Variants in HMCN1 observed in about 807,000 individuals in gnomAD.
The protein encoded by HMCN1 is hemicentin-1.
A neutral mutation model predicts 625.9 loss-of-function variants in HMCN1; 321 were observed. The ratio of observed to expected loss-of-function variants is 0.51; its 90% CI spans 0.47 to 0.56. HMCN1 has a LOEUF of 0.56. HMCN1 is among the 20% of genes least tolerant of loss of function. The probability of loss-of-function intolerance (pLI) is 0.00; values close to 1 mark genes in which losing one functional copy is unlikely to be tolerated. For synonymous variants in HMCN1, 2,425 were observed against 2,417.6 expected (o/e 1.00, Z -0.09); for missense variants, 6,588 against 6,887.3 (o/e 0.96, Z 1.54).
chr1:186,128,140 T>C lies in HMCN1; in HGVS notation c.12753T>C (p.Thr4251=). The C allele has an allele frequency of 6.2e-7, 1 of 1,613,656 alleles. No homozygotes were observed. Residue 4251 remains threonine, a synonymous_variant, in exon 83 of 107, where the codon ACT becomes ACC. Transcript: ENST00000271588. Reference sequence around the variant, plus strand: ...ATGCTGCAGGTGAAGATACACACACTGTCAGCCTGACTGTGCATGTTCTCC... The same window carrying C: ...ATGCTGCAGGTGAAGATACACACACCGTCAGCCTGACTGTGCATGTTCTCC... ...ANNAAGEDTH[T]VSLTVHVLPT...
At chr1:186,019,481 T>C in intron 34 of HMCN1, 60 bp from the exon 35 acceptor site, 1 of 1,285,224 alleles carries the variant, frequency 7.8e-7, no homozygotes, top group Non-Finnish European at 1.1e-6. Flanking sequence ...TGCATACATA[T>C]TTTTAAGTTC....
In HMCN1 at chr1:186,053,993, T is replaced by G; in HGVS notation, c.6862+7T>G. On this transcript the variant is annotated splice_region_variant and intron_variant, in intron 44 of 106. Coordinates refer to ENST00000271588, the MANE Select transcript of HMCN1 (RefSeq NM_031935.3). ...TACAATCTGCAAGTTTACAGTAAGT[T>G]GTTGATTAGCCAGGCTTTGGCAAAA... The G allele has an allele frequency of 6.2e-7, 1 of 1,611,832 alleles. No homozygotes were observed. The highest frequency in any genetic ancestry group is 8.5e-7 in the Non-Finnish European group (1 of 1,178,862).
intron 1 of HMCN1, among the ~76,000 whole-genome samples, chr1:185,771,097 G>A (rs1321670): frequency 0.37 from 56,802 of 152,048 alleles, 13,377 homozygotes; most frequent in African/African-American, 0.67. Context: ...AGGATTTAGC[G>A]ATGTGTTATC....
chr1:185,954,675 G>C (rs1386317651), intron 11 of HMCN1, among the ~76,000 whole-genome samples: 1 of 152,122 alleles, frequency 6.6e-6, no homozygotes, highest in African/African-American at 2.4e-5. Context: ...AAATCCTTGG[G>C]TTGCTGATTT....
Position 186,125,676 on chromosome 1 carries a change from T to C in HMCN1, c.12572T>C (p.Val4191Ala). Reference sequence around the variant, plus strand: ...AATTCACAAGCCATTCTTCCATGCGTAGCTGATGGAATCCCCACACCAGCA... The same window carrying C: ...AATTCACAAGCCATTCTTCCATGCGCAGCTGATGGAATCCCCACACCAGCA... ...NENSQAILPC[V>A]ADGIPTPAIN... The change falls in exon 82 of 107, where the codon GTA becomes GCA. Residue 4191 changes from valine to alanine, a missense_variant. Coordinates refer to ENST00000271588, the MANE Select transcript of HMCN1 (RefSeq NM_031935.3). 6.2e-7 allele frequency: 1 copy of C among 1,612,954 alleles called. No homozygotes were observed. The highest frequency in any genetic ancestry group is 1.1e-5 in the South Asian group (1 of 91,064).
intron 40 of HMCN1, among the ~76,000 whole-genome samples, chr1:186,041,442 GAAGCAAGTATCTGTTC>G (rs1453308687): frequency 1.3e-5 from 2 of 152,212 alleles, no homozygotes; most frequent in East Asian, 3.9e-4. Flanking sequence ...TCTCATCACT[GAAGCAAGTATCTGTTC>G]AAGTAGCTCT....
intron 36 of HMCN1, among the ~76,000 whole-genome samples, chr1:186,028,428 A>T (rs1184858397): frequency 2.0e-5 from 3 of 152,178 alleles, no homozygotes; most frequent in Non-Finnish European, 2.9e-5. Context: ...TGGAATTTAT[A>T]TTTGTATTTA....
At chr1:186,015,656 T>C (rs1022000678) in intron 31 of HMCN1, among the ~76,000 whole-genome samples, 30 of 152,154 alleles carry the variant, frequency 2.0e-4, no homozygotes, top group African/African-American at 7.2e-4. Context: ...GTCATGGCAC[T>C]TGGAGCATCT....
At position 186,041,085 on chromosome 1, in the gene HMCN1, G is replaced by T; in HGVS notation, c.6253G>T (p.Ala2085Ser). The T allele has an allele frequency of 1.2e-6, 2 of 1,612,884 alleles. No individual in the cohort carries two copies. The highest frequency in any genetic ancestry group is 1.7e-6 in the Non-Finnish European group (2 of 1,179,104). Residue 2085 changes from alanine to serine, a missense_variant, in exon 40 of 107, where the codon GCA becomes TCA. This residue lies in a region of HMCN1 where 4,628 missense variants were observed against 4,853.1 expected (regional missense o/e 0.95). Transcript: ENST00000271588. ...ISDTGRYTCV[A>S]VNAAGEKQRD... ...CGACACAGGAAGGTACACCTGCGTG[G>T]CAGTGAATGCTGCTGGAGAAAAGCA... is the stretch of plus-strand genomic sequence containing the variant.
At position 186,078,136 on chromosome 1, in the gene HMCN1, A is replaced by G. The variant is rs919907904; in HGVS notation, c.8515A>G (p.Lys2839Glu). Residue 2839 changes from lysine (K) to glutamate (E), a missense_variant, in exon 55 of 107, where the codon AAA becomes GAA. Transcript: ENST00000271588. Reference protein sequence around the residue: ...GGRVLQIPRAKVEDAGRYTCV... With the variant: ...GGRVLQIPRAEVEDAGRYTCV... Reference sequence around the variant, plus strand: ...GCGAGTGTTGCAGATTCCTCGGGCTAAAGTAGAAGATGCTGGGAGATACAC... The same window carrying G: ...GCGAGTGTTGCAGATTCCTCGGGCTGAAGTAGAAGATGCTGGGAGATACAC... 6.2e-7 allele frequency: 1 copy of G among 1,613,636 alleles called. No individual in the cohort carries two copies.
chr1:186,002,734 A>C (rs1653281184), intron 28 of HMCN1, among the ~76,000 whole-genome samples: 1 of 151,998 alleles, frequency 6.6e-6, no homozygotes, highest in African/African-American at 2.4e-5. Flanking sequence ...TTGTGACTTG[A>C]ATACCTTAGT....
Position 186,078,180 on chromosome 1 carries a change from G to C in HMCN1, c.8559G>C (p.Glu2853Asp). 6.2e-7 allele frequency: 1 copy of C among 1,613,678 alleles called. No individual in the cohort carries two copies. The highest frequency in any genetic ancestry group is 8.5e-7 in the Non-Finnish European group (1 of 1,179,762). The change falls in exon 55 of 107, where the codon GAG (glutamate) becomes GAC (aspartate). Residue 2853 changes from glutamate (E) to aspartate (D), a missense_variant. Physicochemically the swap from Glu to Asp is conservative, Grantham distance 45. Coordinates refer to ENST00000271588, the MANE Select transcript of HMCN1 (RefSeq NM_031935.3). The stretch of plus-strand genomic sequence containing the variant: ...GATACACATGTGTGGCTGTGAATGA[G>C]GCTGGAGAAGATTCCCTTCAATATG... ...AGRYTCVAVN[E>D]AGEDSLQYDV...
rs556592000 is a variant in HMCN1 at position 186,117,725 on chromosome 1, C to T, written c.11848+102C>T. 51 of 1,136,236 alleles carry T rather than the reference C, an allele frequency of 4.5e-5. No homozygotes were observed. The South Asian group carries it at 5.6e-4, about 13-fold the overall frequency. The allele number at this position is 1,136,236 out of a possible 1,614,324, so 70.4% of individuals were successfully genotyped here. A position where few individuals can be genotyped will look rare whatever the true frequency, so the allele number is the denominator to read the frequency against. On this transcript the variant is annotated intron_variant, in intron 77 of 106. Transcript: ENST00000271588. Reference sequence around the variant, plus strand: ...CACCAGAATAAAAGAATAAAATATGCATGCATTCTTGAACTTAAAAATCTG... The same window carrying T: ...CACCAGAATAAAAGAATAAAATATGTATGCATTCTTGAACTTAAAAATCTG...
At chr1:186,032,382 G>A (rs1182216217) in intron 36 of HMCN1, among the ~76,000 whole-genome samples, 2 of 152,090 alleles carry the variant, frequency 1.3e-5, no homozygotes, top group Non-Finnish European at 2.9e-5. Context: ...TCCTGCAAGA[G>A]TGGCTGATAT....
At chr1:185,779,282 C>T (rs1656870820) in intron 1 of HMCN1, among the ~76,000 whole-genome samples, 1 of 151,974 alleles carries the variant, frequency 6.6e-6, no homozygotes, top group Non-Finnish European at 1.5e-5. Context: ...AAAATTTTCT[C>T]CCATTCTGTA....
intron 14 of HMCN1, among the ~76,000 whole-genome samples, chr1:185,968,891 A>C (rs941377613): frequency 6.6e-6 from 1 of 152,202 alleles, no homozygotes; most frequent in African/African-American, 2.4e-5. Flanking sequence ...GTAGAAATCA[A>C]GAAAGGAGAA....
At chr1:186,042,473 G>GC (rs1656275196) in intron 40 of HMCN1, among the ~76,000 whole-genome samples, 1 of 152,070 alleles carries the variant, frequency 6.6e-6, no homozygotes, top group African/African-American at 2.4e-5. Flanking sequence ...TTCTACACTG[G>GC]CTAGCGTCAA....
chr1:186,081,468 T>C, intron 56 of HMCN1, 74 bp downstream of exon 56: 1 of 1,053,316 alleles, frequency 9.5e-7, no homozygotes, highest in Non-Finnish European at 1.4e-6. Flanking sequence ...TTTTGACTTT[T>C]AAAAATAATT....
intron 36 of HMCN1, among the ~76,000 whole-genome samples, chr1:186,024,751 C>T (rs1474873219): frequency 1.3e-5 from 2 of 152,162 alleles, no homozygotes; most frequent in African/African-American, 4.8e-5. Flanking sequence ...CTAACTTCTA[C>T]TTCCTGAGGT....
Sources: allele counts gnomAD v4.1 joint callset (sites outside exome capture counted in the v4.1 genomes callset), GRCh38; gene constraint gnomAD v4.1.1; regional missense constraint gnomAD v4.1.1; transcripts MANE v1.5; gene names NCBI Gene and HGNC (gene_info 2026-07-23, HGNC 2026-07-21).